COL15A1: variants seen among roughly 807,000 people sequenced by gnomAD.
COL15A1 encodes the protein collagen type XV alpha 1 chain, also known as collagen alpha-1(XV) chain.
A neutral mutation model predicts 165.9 loss-of-function variants in COL15A1; 111 were observed. The observed-to-expected ratio is 0.67, with a 90% confidence interval of 0.57 to 0.78. The LOEUF (loss-of-function observed/expected upper bound fraction) is 0.78. Ranked by LOEUF, COL15A1 falls within the 30% of genes least tolerant of loss-of-function variation. The probability of loss-of-function intolerance (pLI) is 0.00; values close to 1 mark genes in which losing one functional copy is unlikely to be tolerated. For missense variants in COL15A1, 1,745 were observed against 1,789.7 expected (o/e 0.98, Z 0.45); for synonymous variants, 659 against 674.8 (o/e 0.98, Z 0.36).
chr9:99,063,535 G>A (rs191709352), intron 39 of COL15A1, among the ~76,000 whole-genome samples: 277 of 152,338 alleles, frequency 1.8e-3, no homozygotes, highest in African/African-American at 6.2e-3. Flanking sequence ...CAAAGCAAGT[G>A]CTAGGTTTCA....
intron 36 of COL15A1, among the ~76,000 whole-genome samples, chr9:99,060,374 C>T (rs1263501980): frequency 6.6e-6 from 1 of 150,998 alleles, no homozygotes; most frequent in Non-Finnish European, 1.5e-5. Flanking sequence ...GTAATCCTCT[C>T]ATCTCAGCCT....
At chr9:98,957,277 A>G (rs1413349144) in intron 2 of COL15A1, among the ~76,000 whole-genome samples, 1 of 152,256 alleles carries the variant, frequency 6.6e-6, no homozygotes, top group African/African-American at 2.4e-5. Flanking sequence ...CAAGCCAAGG[A>G]ATGCAGGCAG....
intron 2 of COL15A1, among the ~76,000 whole-genome samples, chr9:98,949,525 T>C (rs1262493632): frequency 6.6e-6 from 1 of 152,190 alleles, no homozygotes; most frequent in African/African-American, 2.4e-5. Context: ...TTTCTTCACA[T>C]CCTCACCAGC....
chr9:99,021,152 C>T (rs1384016089), intron 12 of COL15A1, among the ~76,000 whole-genome samples: 1 of 152,214 alleles, frequency 6.6e-6, no homozygotes, highest in African/African-American at 2.4e-5. Context: ...CCTCTGGGAG[C>T]CTTCTCATCT....
At chr9:99,029,815 C>T (rs1010653919) in intron 16 of COL15A1, among the ~76,000 whole-genome samples, 8 of 152,062 alleles carry the variant, frequency 5.3e-5, no homozygotes, top group Non-Finnish European at 1.0e-4. Context: ...ATCCCAGCTA[C>T]TCGGGAGGCT....
rs540194313 is a variant in COL15A1 at position 99,034,885 on chromosome 9, A to G, written c.2080-129A>G. 333 of 923,184 alleles carry G rather than the reference A, an allele frequency of 3.6e-4. 4 individuals carry two copies. In the South Asian group the frequency reaches 4.3e-3, roughly 12 times the overall value. The allele number at this position is 923,184 out of a possible 1,614,324, so 57.2% of individuals were successfully genotyped here. A position where few individuals can be genotyped will look rare whatever the true frequency, so the allele number is the denominator to read the frequency against. On this transcript the variant is annotated intron_variant, in intron 17 of 41. Transcript: ENST00000375001. ...CAAGACAGCTGTTTCTGTACCATTA[A>G]GTGGTACCGATCAGAGAATTCATCA...
At position 99,049,850 on chromosome 9, in the gene COL15A1, A is replaced by G. The variant is rs776185665; in HGVS notation, c.2863-4A>G. 6.2e-7 allele frequency: 1 copy of G among 1,614,088 alleles called. No homozygotes were observed. The highest frequency in any genetic ancestry group is 8.5e-7 in the Non-Finnish European group (1 of 1,180,036). ...CTCACCTCTCTTGTTCTCATTACCC[A>G]CAGGCCATTTTCCCAATACCCGTCC... On this transcript the variant is annotated splice_region_variant and splice_polypyrimidine_tract_variant and intron_variant, in intron 29 of 41. Transcript: ENST00000375001.
chr9:98,970,193 A>G (rs1838023859), intron 2 of COL15A1, among the ~76,000 whole-genome samples: 3 of 152,166 alleles, frequency 2.0e-5, no homozygotes, highest in Non-Finnish European at 4.4e-5. Context: ...GCACAAAACA[A>G]ACATTTATTG....
rs770931634 is a variant in COL15A1 at position 99,069,762 on chromosome 9, C to T, written c.4043C>T (p.Ala1348Val). ...YCEAWRTADT[A>V]VTGLASPLST... ...GAAGCATGGCGAACCGCGGACACAGCGGTCACGGGACTTGCCTCCCCGCTG... is the reference window on the plus strand; with the variant it reads ...GAAGCATGGCGAACCGCGGACACAGTGGTCACGGGACTTGCCTCCCCGCTG... The change falls in exon 42 of 42, where the codon GCG becomes GTG. Residue 1348 changes from alanine to valine, a missense_variant. Physicochemically the swap from Ala to Val is moderately conservative, Grantham distance 64. Transcript: ENST00000375001. 1.2e-5 allele frequency: 19 copies of T among 1,614,126 alleles called. No individual in the cohort carries two copies. Among genetic ancestry groups the T allele is most frequent in the Non-Finnish European group, 1.1e-5 (13 of 1,180,044 alleles).
At position 99,027,001 on chromosome 9, in the gene COL15A1, T is replaced by C. The variant is rs115294623; in HGVS notation, c.2043+1035T>C. Among the ~76,000 whole-genome samples, 760 of 152,348 alleles carry C rather than the reference T, an allele frequency of 5.0e-3. 11 individuals carry two copies. The highest frequency in any genetic ancestry group is 0.018 in the African/African-American group (732 of 41,580). On this transcript the variant is annotated intron_variant, in intron 16 of 41. Transcript: ENST00000375001. ...CCATTAGTCTACTTTTCCCAGAGTCTGGCCTGCCTTCATCCTCTTCATTCT... is the reference window on the plus strand; with the variant it reads ...CCATTAGTCTACTTTTCCCAGAGTCCGGCCTGCCTTCATCCTCTTCATTCT...
At chr9:98,963,278 TC>T (rs56042352) in intron 2 of COL15A1, among the ~76,000 whole-genome samples, 2,990 of 151,768 alleles carry the variant, frequency 0.02, 104 homozygotes, top group African/African-American at 0.069. Context: ...TGCCTGCAAG[TC>T]CCCCCAAACA....
chr9:99,061,876 C>T (rs1039729547), intron 36 of COL15A1, 95 bp from the exon 37 acceptor site: 38 of 1,332,536 alleles, frequency 2.9e-5, no homozygotes, highest in South Asian at 1.5e-4. Flanking sequence ...TATCTGGGGA[C>T]GGCTCCTAGT....
intron 2 of COL15A1, among the ~76,000 whole-genome samples, chr9:98,967,527 G>T (rs911369027): frequency 2.0e-5 from 3 of 152,254 alleles, no homozygotes; most frequent in African/African-American, 7.2e-5. Flanking sequence ...CCAGGCCCTA[G>T]GACATTCCTG....
intron 9 of COL15A1, 102 bp from the exon 10 acceptor site, chr9:99,015,315 C>T: frequency 2.6e-6 from 2 of 757,754 alleles, no homozygotes; most frequent in Non-Finnish European, 4.7e-6. Context: ...ATGGAGCCTC[C>T]AGTTATCTGA....
intron 2 of COL15A1, among the ~76,000 whole-genome samples, chr9:98,978,774 A>G (rs1185659561): frequency 2.0e-5 from 3 of 152,154 alleles, no homozygotes; most frequent in Admixed American, 1.3e-4. Context: ...TTTTCATACC[A>G]TGTATATGCT....
At chr9:99,041,625 G>A (rs1564078220) in intron 23 of COL15A1, among the ~76,000 whole-genome samples, 1 of 152,158 alleles carries the variant, frequency 6.6e-6, no homozygotes, top group Non-Finnish European at 1.5e-5. Context: ...GATGGGCTGG[G>A]GTGCCAGGCT....
chr9:99,002,279 G>A (rs902320024), intron 7 of COL15A1, among the ~76,000 whole-genome samples: 2 of 147,702 alleles, frequency 1.4e-5, no homozygotes, highest in Admixed American at 1.4e-4. Flanking sequence ...TCCCAACTCT[G>A]AATCTAAAGG....
chr9:99,033,631 G>A lies in COL15A1; in HGVS notation c.2044-918G>A, dbSNP rs1839246273. On this transcript the variant is annotated intron_variant, in intron 16 of 41. Transcript: ENST00000375001. ...ACTCCCCATCTTATTTTTGAGCACG[G>A]CTATTTTAGAACTATCCATTCTCTC... is the stretch of plus-strand genomic sequence containing the variant. Among the ~76,000 whole-genome samples, 3 of 152,270 alleles carry A rather than the reference G, an allele frequency of 2.0e-5. No homozygotes were observed. In the South Asian group the frequency reaches 6.2e-4, roughly 32 times the overall value.
intron 39 of COL15A1, among the ~76,000 whole-genome samples, chr9:99,065,624 G>A (rs554244337): frequency 6.7e-6 from 1 of 149,624 alleles, no homozygotes; most frequent in East Asian, 2.0e-4. Flanking sequence ...TGCGGGGCAG[G>A]AAGGAGATGG....
Sources: allele counts gnomAD v4.1 joint callset (sites outside exome capture counted in the v4.1 genomes callset), GRCh38; gene constraint gnomAD v4.1.1; transcripts MANE v1.5; gene names NCBI Gene and HGNC (gene_info 2026-07-23, HGNC 2026-07-21).